MYOF: variants seen among roughly 807,000 people sequenced by gnomAD.
The protein encoded by MYOF is fer-1-like 3, myoferlin.
In MYOF, 244 loss-of-function variants were observed where a neutral mutation model predicts 284.2. That is an observed-to-expected ratio of 0.86 (90% CI 0.77 to 0.95). The LOEUF (loss-of-function observed/expected upper bound fraction) is 0.95, where lower values mean the gene tolerates loss of function less well. Among genes scored for constraint, MYOF ranks in the 40% least tolerant of loss-of-function variants. MYOF has a pLI of 0.00. For synonymous variants in MYOF, 904 were observed against 919.7 expected (o/e 0.98, Z 0.31); for missense variants, 2,496 against 2,560.6 (o/e 0.97, Z 0.54).
At chr10:93,396,333 C>A in intron 15 of MYOF, 109 bp from the exon 16 acceptor site, 1 of 731,942 alleles carries the variant, frequency 1.4e-6, no homozygotes, top group Non-Finnish European at 2.1e-6. Flanking sequence ...CTGGAAAATA[C>A]CCCAGACTTC....
intron 31 of MYOF, among the ~76,000 whole-genome samples, chr10:93,355,035 C>CT (rs1359616174): frequency 1.1e-4 from 16 of 152,038 alleles, no homozygotes; most frequent in Non-Finnish European, 1.9e-4. Flanking sequence ...ATTTTGGTGC[C>CT]TTTTTTCCTA....
intron 4 of MYOF, 68 bp downstream of exon 4, chr10:93,431,340 T>C: frequency 2.8e-6 from 4 of 1,406,476 alleles, no homozygotes; most frequent in African/African-American, 1.4e-5. Context: ...GCCTTAGACC[T>C]TTTTCTTAAT....
intron 41 of MYOF, among the ~76,000 whole-genome samples, chr10:93,335,713 C>CCTT (rs1843570686): frequency 1.3e-5 from 2 of 152,040 alleles, no homozygotes; most frequent in Non-Finnish European, 1.5e-5. Context: ...CTTTTCCTTT[C>CCTT]TGGCACCTTC....
intron 3 of MYOF, among the ~76,000 whole-genome samples, chr10:93,438,711 G>A (rs1280872813): frequency 6.6e-6 from 1 of 152,172 alleles, no homozygotes; most frequent in Non-Finnish European, 1.5e-5. Context: ...AAGGCAACGC[G>A]GGATCTGGGG....
At chr10:93,346,968 T>G (rs1403123476) in intron 37 of MYOF, among the ~76,000 whole-genome samples, 1 of 152,160 alleles carries the variant, frequency 6.6e-6, no homozygotes, top group Non-Finnish European at 1.5e-5. Context: ...GCAAGCTGCT[T>G]GTTGAAAGGT....
chr10:93,310,657 G>A lies in MYOF; in HGVS notation c.5890-14C>T. 1 of 1,612,332 alleles carries A rather than the reference G, an allele frequency of 6.2e-7. No individual in the cohort carries two copies. The highest frequency in any genetic ancestry group is 8.5e-7 in the Non-Finnish European group (1 of 1,178,478). ...CTCCACTTTCCCCTTCAGTAAAGCAGAGCAGGTTAAACATATGACATCATG... is the reference window on the plus strand; with the variant it reads ...CTCCACTTTCCCCTTCAGTAAAGCAAAGCAGGTTAAACATATGACATCATG... On this transcript the variant is annotated splice_polypyrimidine_tract_variant and intron_variant, in intron 51 of 53. Transcript: ENST00000359263.
chr10:93,471,039 C>T (rs4919162), intron 1 of MYOF, among the ~76,000 whole-genome samples: 118,302 of 152,082 alleles, frequency 0.78, 46,434 homozygotes, highest in South Asian at 0.85. Context: ...ATAAGCTGCA[C>T]TATTGAGATG....
Position 93,378,713 on chromosome 10 carries a change from A to ATATATATATG in MYOF, c.2001+1149_2001+1150insCATATATATA, listed in dbSNP as rs1338159505. Among the ~76,000 whole-genome samples, 163 of 124,898 alleles carry ATATATATATG rather than the reference A, an allele frequency of 1.3e-3. 5 individuals carry two copies. Among genetic ancestry groups the ATATATATATG allele is most frequent in the East Asian group, 1.7e-3 (6 of 3,484 alleles). The allele number at this position is 124,898 out of a possible 152,430, so 81.9% of individuals were successfully genotyped here. On this transcript the variant is annotated intron_variant, in intron 21 of 53. Coordinates refer to ENST00000359263, the MANE Select transcript of MYOF (RefSeq NM_013451.4). The stretch of plus-strand genomic sequence containing the variant: ...TGTGTGTATATATATATATATATAT[A>ATATATATATG]TATGTATATATTTATCTTTTTAGAC...
chr10:93,333,276 C>CT lies in MYOF; in HGVS notation c.4755dup (p.Val1586SerfsTer3), dbSNP rs1424838635. 3 of 1,613,780 alleles carry CT rather than the reference C, an allele frequency of 1.9e-6. No individual in the cohort carries two copies. Among genetic ancestry groups the CT allele is most frequent in the African/African-American group, 1.3e-5 (1 of 74,858 alleles). The stretch of plus-strand genomic sequence containing the variant: ...ATGTAGTGATCTCGGTCTTCAATGA[C>CT]TTTTTTGCCCAGTGTTATTTTTATG... On this transcript the variant is annotated frameshift_variant, in exon 43 of 54. Coordinates refer to ENST00000359263, the MANE Select transcript of MYOF (RefSeq NM_013451.4). LOFTEE classifies it high-confidence loss of function.
chr10:93,323,395 T>C (rs775956136), intron 46 of MYOF, 37 bp from the exon 47 acceptor site: 30 of 1,530,494 alleles, frequency 2.0e-5, no homozygotes, highest in Non-Finnish European at 2.6e-5. Flanking sequence ...ACTGAAGTTA[T>C]ATGATGGGTA....
intron 21 of MYOF, 93 bp downstream of exon 21, chr10:93,379,770 A>G: frequency 6.7e-7 from 1 of 1,495,814 alleles, no homozygotes; most frequent in Admixed American, 1.8e-5. Flanking sequence ...CACTGTACTA[A>G]GCACTTTCTT....
At position 93,369,739 on chromosome 10, in the gene MYOF, A is replaced by G. The variant is rs1845500210; in HGVS notation, c.2495T>C (p.Val832Ala). The G allele has an allele frequency of 1.9e-6, 3 of 1,614,102 alleles. No individual in the cohort carries two copies. In the African/African-American group the frequency reaches 4.0e-5, roughly 22 times the overall value. Residue 832 changes from valine to alanine, a missense_variant, in exon 25 of 54, where the codon GTG becomes GCG. Val to Ala is a moderately conservative substitution (Grantham distance 64). Transcript: ENST00000359263. ...QEKNNGPKVP[V>A]ELRVNIWLGL... The stretch of plus-strand genomic sequence containing the variant: ...TAGCCAGATGTTCACTCGCAACTCC[A>G]CAGGCACCTTTGGCCCGTTGTTTTT...
At position 93,306,836 on chromosome 10, in the gene MYOF, G is replaced by T; in HGVS notation, c.*127C>A. On this transcript the variant is annotated 3_prime_UTR_variant, in exon 54 of 54. Coordinates refer to ENST00000359263, the MANE Select transcript of MYOF (RefSeq NM_013451.4). ...CTAAGACCCTCTGGGAATCAATGGG[G>T]CTCGGTGACATGGCGTAACCTGCTA... The T allele has an allele frequency of 2.1e-6, 2 of 967,484 alleles. No individual in the cohort carries two copies. Among genetic ancestry groups the T allele is most frequent in the Non-Finnish European group, 3.2e-6 (2 of 622,752 alleles). The allele number at this position is 967,484 out of a possible 1,614,324, so 59.9% of individuals were successfully genotyped here. A position where few individuals can be genotyped will look rare whatever the true frequency, so the allele number is the denominator to read the frequency against.
intron 39 of MYOF, chr10:93,338,421 C>T: frequency 2.2e-6 from 1 of 456,008 alleles, no homozygotes; most frequent in Non-Finnish European, 4.4e-6. Context: ...TCAAGCTGTA[C>T]TGGCTTGGGC....
intron 51 of MYOF, among the ~76,000 whole-genome samples, chr10:93,311,824 C>T (rs1260130715): frequency 3.3e-5 from 5 of 152,166 alleles, no homozygotes; most frequent in Admixed American, 3.3e-4. Flanking sequence ...TTTTTGGAAT[C>T]GCTAAAGTGG....
Position 93,335,926 on chromosome 10 carries a change from ACT to A in MYOF, c.4556_4557del (p.Glu1519ValfsTer2). On this transcript the variant is annotated frameshift_variant, in exon 41 of 54. Transcript: ENST00000359263. LOFTEE classifies it high-confidence loss of function. ...CCAACACACATCTTACTCACCTTAA[ACT>A]CTCCAACCACAGAAGGATCTTCATT... ...DENEDPSVVG[E>X]FKGSFRIYPL... The A allele has an allele frequency of 6.2e-7, 1 of 1,613,920 alleles. No individual in the cohort carries two copies. Among genetic ancestry groups the A allele is most frequent in the Non-Finnish European group, 8.5e-7 (1 of 1,179,964 alleles).
chr10:93,389,870 A>G (rs1846592263), intron 17 of MYOF, among the ~76,000 whole-genome samples: 1 of 152,250 alleles, frequency 6.6e-6, no homozygotes, highest in African/African-American at 2.4e-5. Flanking sequence ...GTTGCCTTCA[A>G]TAGCCTGAAT....
At chr10:93,443,628 G>T (rs1219757620) in intron 3 of MYOF, among the ~76,000 whole-genome samples, 1 of 152,064 alleles carries the variant, frequency 6.6e-6, no homozygotes, top group Non-Finnish European at 1.5e-5. Flanking sequence ...TTGCATTGCA[G>T]CATGGAAATG....
rs11405362 is a variant in MYOF at position 93,474,748 on chromosome 10, A to ATT, written c.88+7357_88+7358dup. Among the ~76,000 whole-genome samples, 334 of 145,360 alleles carry ATT rather than the reference A, an allele frequency of 2.3e-3. 1 individual carries two copies. The highest frequency in any genetic ancestry group is 3.6e-3 in the Middle Eastern group (1 of 280). The stretch of plus-strand genomic sequence containing the variant: ...GATATTATTAAGAACACTGAAGCTG[A>ATT]TTTTTTTTTTTTTTTGAGATGAAGT... On this transcript the variant is annotated intron_variant, in intron 1 of 53. Transcript: ENST00000359263.
Sources: gnomAD v4.1 joint callset for allele counts (sites outside exome capture counted in the v4.1 genomes callset) on GRCh38, gnomAD v4.1.1 for gene constraint, MANE v1.5 for transcripts, NCBI Gene and HGNC (gene_info 2026-07-23, HGNC 2026-07-21) for gene names.